Variants in LARGE1 observed in about 807,000 individuals in gnomAD.
LARGE1 encodes the protein LARGE xylosyl- and glucuronyltransferase 1.
LARGE1 carries 43 observed loss-of-function variants against 87.6 expected under a neutral mutation model. The ratio of observed to expected loss-of-function variants is 0.49; its 90% CI spans 0.38 to 0.63. The LOEUF (loss-of-function observed/expected upper bound fraction) is 0.63. Among genes scored for constraint, LARGE1 ranks in the 30% least tolerant of loss-of-function variants. LARGE1 has a pLI of 0.00. For missense variants in LARGE1, 802 were observed against 1,000.2 expected (o/e 0.80, Z 2.67); for synonymous variants, 434 against 394.6 (o/e 1.10, Z -1.18).
intron 6 of LARGE1, among the ~76,000 whole-genome samples, chr22:33,502,245 C>A (rs1218850640): frequency 6.6e-6 from 1 of 151,786 alleles, no homozygotes; most frequent in Non-Finnish European, 1.5e-5. Context: ...TGACACACTC[C>A]CCAGGCAGTG....
chr22:33,274,138 G>A lies in LARGE1; in HGVS notation c.*289C>T. On this transcript the variant is annotated 3_prime_UTR_variant, in exon 15 of 15. Transcript: ENST00000397394. The stretch of plus-strand genomic sequence containing the variant: ...CCCTGATCTTGTGGCTTTGCAGTAA[G>A]ATGATAACCCTTTTACTCCCTGTCA... The A allele has an allele frequency of 1.8e-6, 1 of 549,998 alleles. No homozygotes were observed. The highest frequency in any genetic ancestry group is 3.3e-6 in the Non-Finnish European group (1 of 306,246). The allele number at this position is 549,998 out of a possible 1,614,324, so 34.1% of individuals were successfully genotyped here.
intron 1 of LARGE1, among the ~76,000 whole-genome samples, chr22:33,852,692 C>T: frequency 6.6e-6 from 1 of 151,132 alleles, no homozygotes; most frequent in Non-Finnish European, 1.5e-5. Flanking sequence ...ACTAAAAAAA[C>T]ATATATACAA....
chr22:33,544,392 A>C (rs1250438887), intron 6 of LARGE1, among the ~76,000 whole-genome samples: 1 of 152,154 alleles, frequency 6.6e-6, no homozygotes, highest in African/African-American at 2.4e-5. Context: ...ATAGAGTGGA[A>C]AGAGTACCTT....
chr22:33,448,106 G>A (rs939711730), intron 6 of LARGE1, among the ~76,000 whole-genome samples: 4 of 152,054 alleles, frequency 2.6e-5, no homozygotes, highest in Admixed American at 2.0e-4. Context: ...AGGGGGGTGT[G>A]GAATGATTAT....
At chr22:33,437,469 T>A (rs1456521301) in intron 6 of LARGE1, among the ~76,000 whole-genome samples, 1 of 151,762 alleles carries the variant, frequency 6.6e-6, no homozygotes, top group Non-Finnish European at 1.5e-5. Flanking sequence ...CATACCTAAT[T>A]TTTTTTTTCC....
At chr22:33,102,507 C>T in the LARGE1 span, among the ~76,000 whole-genome samples, 7 of 150,816 alleles carry the variant, frequency 4.6e-5, 1 homozygote, top group South Asian at 1.3e-3. Context: ...TTCTTTCTTT[C>T]TGAAGGAGTT....
At chr22:33,083,619 T>C in the LARGE1 span, among the ~76,000 whole-genome samples, 1 of 152,152 alleles carries the variant, frequency 6.6e-6, no homozygotes, top group East Asian at 1.9e-4. Flanking sequence ...ATATATCAGA[T>C]AGTGATCAGT....
At chr22:33,107,326 G>A in the LARGE1 span, among the ~76,000 whole-genome samples, 1 of 152,146 alleles carries the variant, frequency 6.6e-6, no homozygotes. Flanking sequence ...CCCTTTGGGA[G>A]GCCAAGGCAG....
chr22:33,871,541 T>C (rs1462255045), intron 1 of LARGE1, among the ~76,000 whole-genome samples: 2 of 152,206 alleles, frequency 1.3e-5, no homozygotes, highest in Non-Finnish European at 2.9e-5. Context: ...TATCAAAATC[T>C]GTCCAGGTAA....
chr22:33,671,284 C>T (rs2081403985), intron 2 of LARGE1, among the ~76,000 whole-genome samples: 1 of 152,234 alleles, frequency 6.6e-6, no homozygotes, highest in Non-Finnish European at 1.5e-5. Flanking sequence ...CACCATCTAT[C>T]ATGCAGATAC....
chr22:33,298,929 C>T (rs534742255), intron 12 of LARGE1, among the ~76,000 whole-genome samples: 58 of 151,366 alleles, frequency 3.8e-4, no homozygotes, highest in African/African-American at 1.3e-3. Context: ...GAGAGAGACG[C>T]GGGAAGCAGT....
chr22:33,356,660 C>T (rs1462509177), intron 9 of LARGE1, among the ~76,000 whole-genome samples: 1 of 152,094 alleles, frequency 6.6e-6, no homozygotes, highest in Non-Finnish European at 1.5e-5. Flanking sequence ...ATCCCAGCTA[C>T]TTGGGAGGCT....
intron 2 of LARGE1, among the ~76,000 whole-genome samples, chr22:33,673,102 G>C: frequency 6.6e-6 from 1 of 152,064 alleles, no homozygotes; most frequent in East Asian, 1.9e-4. Flanking sequence ...GTGAAACCCC[G>C]TCTCTACTAA....
intron 2 of LARGE1, among the ~76,000 whole-genome samples, chr22:33,720,884 G>T (rs142692985): frequency 6.6e-6 from 1 of 152,202 alleles, no homozygotes; most frequent in African/African-American, 2.4e-5. Flanking sequence ...AGGCCAGGGG[G>T]CTGCTGGAAA....
intron 11 of LARGE1, among the ~76,000 whole-genome samples, chr22:33,315,661 G>A (rs994897863): frequency 1.3e-5 from 2 of 151,636 alleles, no homozygotes; most frequent in African/African-American, 4.9e-5. Context: ...ATGGAGCCGT[G>A]CTCTGTCACC....
intron 1 of LARGE1, among the ~76,000 whole-genome samples, chr22:33,856,221 G>A (rs1020496863): frequency 4.6e-5 from 7 of 152,124 alleles, no homozygotes; most frequent in African/African-American, 1.7e-4. Context: ...GCCATACCCG[G>A]ACCAGTTCTC....
Position 33,211,697 on chromosome 22 carries a change from C to T in LARGE1, c.1731-44865G>A, listed in dbSNP as rs113058751. Among the ~76,000 whole-genome samples the T allele has an allele frequency of 1.2e-3, 176 of 152,232 alleles. 1 individual carries two copies. Among genetic ancestry groups the T allele is most frequent in the African/African-American group, 4.0e-3 (168 of 41,554 alleles). ...CTGAGGCACGAGAATTGCTTGAACC[C>T]CAGAGACGGCGGCTGCAGTGAGCCG... is the stretch of plus-strand genomic sequence containing the variant. On this transcript the variant is annotated intron_variant, in intron 11 of 11. Transcript: ENST00000608642.
chr22:33,791,869 G>T (rs748391778), intron 1 of LARGE1, among the ~76,000 whole-genome samples: 1 of 152,104 alleles, frequency 6.6e-6, no homozygotes, highest in Non-Finnish European at 1.5e-5. Flanking sequence ...TGTGTCCAAG[G>T]GAAAAAGAAA....
chr22:33,226,674 A>T (rs898540454), intron 11 of LARGE1, among the ~76,000 whole-genome samples: 4 of 152,138 alleles, frequency 2.6e-5, no homozygotes, highest in African/African-American at 4.8e-5. Context: ...ATCTCACTAG[A>T]GATGCACCCA....
Sources: gnomAD v4.1 joint callset for allele counts (sites outside exome capture counted in the v4.1 genomes callset) on GRCh38, gnomAD v4.1.1 for gene constraint, MANE v1.5 for transcripts, NCBI Gene and HGNC (gene_info 2026-07-23, HGNC 2026-07-21) for gene names.